The following BCL9 variants were observed in gnomAD, a reference collection of about 807,000 sequenced individuals.
The protein encoded by BCL9 is BCL9 transcription coactivator.
Under a neutral mutation model 88.5 loss-of-function variants are expected in BCL9, and 25 were observed. The observed-to-expected ratio is 0.28, with a 90% CI of 0.21 to 0.39. BCL9 has a LOEUF of 0.39. Ranked by LOEUF, BCL9 falls within the 10% of genes least tolerant of loss-of-function variation. BCL9 has a pLI of 1.00. For synonymous variants in BCL9, 711 were observed against 673.3 expected, an observed-to-expected ratio of 1.06 and a Z score of -0.87; for missense variants, 1,817 against 1,877.8, an observed-to-expected ratio of 0.97 and a Z score of 0.60.
intron 1 of BCL9, chr1:147,600,068 G>A (rs587597970): frequency 0.013 from 1,883 of 149,262 alleles, 27 homozygotes; most frequent in Non-Finnish European, 0.02. Flanking sequence ...TGTACCTTTC[G>A]TGGCGCGGTG....
At chr1:147,607,525 GA>G (rs1657781532) in intron 3 of BCL9, among the ~76,000 whole-genome samples, 1 of 152,104 alleles carries the variant, frequency 6.6e-6, no homozygotes, top group Admixed American at 6.5e-5. Context: ...GAAAAATGTT[GA>G]AAAACCCTAG....
At chr1:147,565,049 G>A (rs1655542098) in intron 1 of BCL9, among the ~76,000 whole-genome samples, 1 of 152,226 alleles carries the variant, frequency 6.6e-6, no homozygotes, top group East Asian at 1.9e-4. Context: ...TCTGCAGAAC[G>A]TTCTAGTGGA....
chr1:147,563,979 C>T (rs1553196401), intron 1 of BCL9, among the ~76,000 whole-genome samples: 1 of 152,196 alleles, frequency 6.6e-6, no homozygotes, highest in African/African-American at 2.4e-5. Context: ...CAGGTTCATT[C>T]TGAATAACTC....
chr1:147,580,943 C>T (rs1342377881), intron 1 of BCL9, among the ~76,000 whole-genome samples: 2 of 152,146 alleles, frequency 1.3e-5, no homozygotes, highest in African/African-American at 2.4e-5. Context: ...TCAGAAAAAA[C>T]CATTGCCCAA....
At chr1:147,557,518 A>G (rs1163473535) in intron 1 of BCL9, among the ~76,000 whole-genome samples, 1 of 152,204 alleles carries the variant, frequency 6.6e-6, no homozygotes, top group Non-Finnish European at 1.5e-5. Flanking sequence ...GGTTTGGAAG[A>G]TAAGGGTAGA....
chr1:147,598,406 C>A (rs1657148021), intron 1 of BCL9, among the ~76,000 whole-genome samples: 1 of 152,164 alleles, frequency 6.6e-6, no homozygotes, highest in Non-Finnish European at 1.5e-5. Flanking sequence ...AGGATCTAAG[C>A]AGGGGAGGCG....
intron 1 of BCL9, among the ~76,000 whole-genome samples, chr1:147,582,699 A>T (rs1656421087): frequency 6.6e-6 from 1 of 152,220 alleles, no homozygotes; most frequent in Non-Finnish European, 1.5e-5. Flanking sequence ...AGTGTCCATA[A>T]ATAAAGTATT....
chr1:147,622,289 C>G lies in BCL9; in HGVS notation c.2921C>G (p.Thr974Arg), dbSNP rs1018912807. Reference sequence around the variant, plus strand: ...CTTTTAGGTGGCCCCCCACCTCCTACAGCCAGCCAGCCTGCCTCTGTGAAT... The same window carrying G: ...CTTTTAGGTGGCCCCCCACCTCCTAGAGCCAGCCAGCCTGCCTCTGTGAAT... ...NVESGGPPPPTASQPASVNIP... is the reference protein window; with the variant it reads ...NVESGGPPPPRASQPASVNIP... Residue 974 changes from threonine to arginine, a missense_variant, in exon 9 of 10, where the codon ACA becomes AGA. Around this residue, in one of 2 missense-constraint regions of BCL9, gnomAD observed 589 missense variants for 686.2 expected, o/e 0.86. Transcript: ENST00000234739. 4 of 1,614,202 alleles carry G rather than the reference C, an allele frequency of 2.5e-6. No homozygotes were observed. In the South Asian group the frequency reaches 4.4e-5, roughly 18 times the overall value.
chr1:147,588,542 G>C (rs1656716440), intron 1 of BCL9, among the ~76,000 whole-genome samples: 1 of 152,154 alleles, frequency 6.6e-6, no homozygotes, highest in Non-Finnish European at 1.5e-5. Context: ...AGAAAGAGAG[G>C]CTCGCTAGTT....
At chr1:147,601,680 G>C (rs782077352) in intron 1 of BCL9, among the ~76,000 whole-genome samples, 1 of 152,180 alleles carries the variant, frequency 6.6e-6, no homozygotes, top group African/African-American at 2.4e-5. Flanking sequence ...TTAGCAAGGA[G>C]AGATGTTTGC....
chr1:147,613,069 T>G lies in BCL9; in HGVS notation c.240T>G (p.Gly80=), dbSNP rs1553202940. Residue 80 remains glycine, a synonymous_variant, in exon 5 of 10, where the codon GGT becomes GGG. Coordinates refer to ENST00000234739, the MANE Select transcript of BCL9 (RefSeq NM_004326.4). ...GHTPKALPGP[G]GSMGLKNGAG... ...CCCCTAAAGCACTCCCTGGCCCAGG[T>G]GGGAGCATGGGGCTGAAGAATGGGG... 7 of 1,613,114 alleles carry G rather than the reference T, an allele frequency of 4.3e-6. No homozygotes were observed. Among genetic ancestry groups the G allele is most frequent in the Non-Finnish European group, 5.9e-6 (7 of 1,179,582 alleles).
chr1:147,620,092 G>A lies in BCL9; in HGVS notation c.1937G>A (p.Gly646Glu), dbSNP rs1297993374. 4 of 1,614,064 alleles carry A rather than the reference G, an allele frequency of 2.5e-6. No homozygotes were observed. The African/African-American group carries it at 4.0e-5, about 16-fold the overall frequency. The change falls in exon 8 of 10, where the codon GGG becomes GAG. Residue 646 changes from glycine (G) to glutamate (E), a missense_variant. Gly to Glu is a moderately conservative substitution (Grantham distance 98). Transcript: ENST00000234739. ...LAEKQLGLPP[G>E]MAMEGIRPSM... ...GAGAAACAGCTGGGTCTCCCCCCAG[G>A]GATGGCCATGGAAGGCATCAGGCCC...
intron 5 of BCL9, among the ~76,000 whole-genome samples, chr1:147,613,836 A>G (rs587762666): frequency 2.6e-5 from 4 of 152,344 alleles, no homozygotes; most frequent in Admixed American, 1.3e-4. Context: ...TATAAGACCA[A>G]AAGTCTTAAC....
chr1:147,615,971 G>C (rs1478656668), intron 7 of BCL9, 69 bp downstream of exon 7: 1 of 1,427,594 alleles, frequency 7.0e-7, no homozygotes, highest in Non-Finnish European at 9.7e-7. Context: ...AGGAGGTGGT[G>C]AATTTAATTG....
rs1226880007 is a variant in BCL9, at chr1:147,578,845, C to T, written c.-477-25932C>T. 2.1e-5 allele frequency among the ~76,000 whole-genome samples: 3 copies of T among 144,516 alleles called. No individual in the cohort carries two copies. In the Admixed American group the frequency reaches 2.2e-4, roughly 11 times the overall value. The allele number at this position is 144,516 out of a possible 152,430, so 94.8% of individuals were successfully genotyped here. On this transcript the variant is annotated intron_variant, in intron 1 of 9. Transcript: ENST00000234739. ...AGGGAAAGGTACCCAGACTTGGAGT[C>T]AGGAAATTTGGTTTTCTTTCTTTTT... is the stretch of plus-strand genomic sequence containing the variant.
rs1570809326 is a variant in BCL9 at position 147,551,821 on chromosome 1, G to A, written c.-478+10147G>A. ...TAAATTTCTTTTCTTTATAAATGAC[G>A]CAGTCTGTGGTATCCTGTTACAGCA... On this transcript the variant is annotated intron_variant, in intron 1 of 9. Transcript: ENST00000234739. Among the ~76,000 whole-genome samples, 3 of 152,256 alleles carry A rather than the reference G, an allele frequency of 2.0e-5. No homozygotes were observed. In the East Asian group the frequency reaches 5.8e-4, roughly 29 times the overall value.
At position 147,611,651 on chromosome 1, in the gene BCL9, G is replaced by C; in HGVS notation, c.-186G>C. ...CCAGAGAATGCTGGAGCTGCAAGGG[G>C]AAAGGACCCACTTCCACAGCAGAGA... On this transcript the variant is annotated 5_prime_UTR_variant, in exon 4 of 10. Coordinates refer to ENST00000234739, the MANE Select transcript of BCL9 (RefSeq NM_004326.4). 2 of 599,056 alleles carry C rather than the reference G, an allele frequency of 3.3e-6. No individual in the cohort carries two copies. Among genetic ancestry groups the C allele is most frequent in the South Asian group, 4.4e-5 (2 of 45,192 alleles). The allele number at this position is 599,056 out of a possible 1,614,324, so 37.1% of individuals were successfully genotyped here.
At chr1:147,580,889 T>G (rs587751767) in intron 1 of BCL9, among the ~76,000 whole-genome samples, 14 of 152,346 alleles carry the variant, frequency 9.2e-5, no homozygotes, top group African/African-American at 2.9e-4. Flanking sequence ...TTCTGAGAGA[T>G]AGATTTTATT....
At chr1:147,548,088 A>C (rs1453592424) in intron 1 of BCL9, among the ~76,000 whole-genome samples, 3 of 152,254 alleles carry the variant, frequency 2.0e-5, no homozygotes, top group Non-Finnish European at 4.4e-5. Context: ...TCATTTGCTC[A>C]GAAGAGAAAC....
Sources: gnomAD v4.1 joint callset for allele counts (sites outside exome capture counted in the v4.1 genomes callset) on GRCh38, gnomAD v4.1.1 for gene constraint, gnomAD v4.1.1 regional missense constraint, MANE v1.5 for transcripts, NCBI Gene and HGNC (gene_info 2026-07-23, HGNC 2026-07-21) for gene names.